The following PDE10A variants were observed in gnomAD, a reference collection of about 807,000 sequenced individuals.
PDE10A encodes cAMP and cAMP-inhibited cGMP 3',5'-cyclic phosphodiesterase 10A.
PDE10A carries 39 observed loss-of-function variants against 97.7 expected under a neutral mutation model. The observed-to-expected ratio is 0.40, with a 90% CI of 0.31 to 0.52. PDE10A has a LOEUF of 0.52. Ranked by LOEUF, PDE10A falls within the 20% of genes least tolerant of loss-of-function variation. The pLI, the probability that PDE10A is intolerant of heterozygous loss-of-function variation, is 0.56. For missense variants in PDE10A, 731 were observed against 1,047.8 expected, an observed-to-expected ratio of 0.70 and a Z score of 4.17; for synonymous variants, 371 against 376.8, an observed-to-expected ratio of 0.98 and a Z score of 0.18.
rs376826123 is a variant in PDE10A at position 165,569,598 on chromosome 6, C to T, written c.866-26030G>A. ...TCACAGCCTGTGACAGTCTTCCCTC[C>T]GTTCAAACTGCTTGTTTCATGTCTC... On this transcript the variant is annotated intron_variant, in intron 1 of 21. Transcript: ENST00000539869. 1.4e-4 allele frequency among the ~76,000 whole-genome samples: 22 copies of T among 152,262 alleles called. No individual in the cohort carries two copies. In the East Asian group the frequency reaches 3.7e-3, roughly 25 times the overall value.
intron 1 of PDE10A, among the ~76,000 whole-genome samples, chr6:165,600,735 C>T (rs9457107): frequency 0.45 from 68,310 of 152,058 alleles, 18,511 homozygotes; most frequent in Non-Finnish European, 0.6. Flanking sequence ...TGTTGTATAA[C>T]GGCCTTGAGA....
intron 1 of PDE10A, among the ~76,000 whole-genome samples, chr6:165,656,009 C>G (rs955483924): frequency 7.9e-5 from 12 of 152,212 alleles, no homozygotes; most frequent in Admixed American, 6.5e-4. Context: ...AGGAGCCACA[C>G]AGCTGCACAG....
chr6:165,545,123 A>G (rs540320081), intron 1 of PDE10A: 11 of 493,252 alleles, frequency 2.2e-5, no homozygotes, highest in African/African-American at 1.8e-4. Context: ...TCCATATTCA[A>G]TATTGATTCC....
chr6:165,808,689 A>G (rs1167935253), intron 1 of PDE10A, among the ~76,000 whole-genome samples: 1 of 152,210 alleles, frequency 6.6e-6, no homozygotes, highest in Admixed American at 6.5e-5. Context: ...TCCCTGGCAG[A>G]GCAGAGAGTG....
chr6:165,825,476 C>A (rs1042082597), intron 1 of PDE10A, among the ~76,000 whole-genome samples: 2 of 152,184 alleles, frequency 1.3e-5, no homozygotes, highest in South Asian at 2.1e-4. Flanking sequence ...AGCCCTGCTG[C>A]GGTTCCTTGA....
intron 5 of PDE10A, among the ~76,000 whole-genome samples, chr6:165,443,911 T>G (rs1790653738): frequency 1.3e-5 from 2 of 151,998 alleles, no homozygotes; most frequent in Non-Finnish European, 2.9e-5. Flanking sequence ...CCTGGAGACA[T>G]TTTCCCTATT....
chr6:165,638,914 C>A (rs976144239), intron 1 of PDE10A, among the ~76,000 whole-genome samples: 1 of 152,162 alleles, frequency 6.6e-6, no homozygotes, highest in Non-Finnish European at 1.5e-5. Flanking sequence ...CATTTACATT[C>A]TGTGTCCTCC....
chr6:165,571,108 T>C (rs962090218), intron 1 of PDE10A, among the ~76,000 whole-genome samples: 11 of 152,194 alleles, frequency 7.2e-5, no homozygotes, highest in Admixed American at 3.3e-4. Context: ...GATAAAACCA[T>C]TATCTTACTG....
intron 18 of PDE10A, among the ~76,000 whole-genome samples, chr6:165,357,879 AG>A (rs1244506495): frequency 6.6e-6 from 1 of 152,034 alleles, no homozygotes; most frequent in Non-Finnish European, 1.5e-5. Flanking sequence ...ACTTCCCACA[AG>A]TTAGGCTTTA....
intron 3 of PDE10A, among the ~76,000 whole-genome samples, chr6:165,451,956 T>G (rs539436979): frequency 5.3e-5 from 8 of 152,198 alleles, no homozygotes; most frequent in Non-Finnish European, 1.2e-4. Flanking sequence ...CTCAATGAAG[T>G]TGAAACCTCA....
At chr6:165,836,968 G>A (rs528074326) in intron 1 of PDE10A, among the ~76,000 whole-genome samples, 25 of 147,686 alleles carry the variant, frequency 1.7e-4, no homozygotes, top group African/African-American at 5.3e-4. Flanking sequence ...CAAACACCGC[G>A]TATTCTCACT....
chr6:165,587,507 C>T (rs751977666), intron 1 of PDE10A, among the ~76,000 whole-genome samples: 1 of 152,122 alleles, frequency 6.6e-6, no homozygotes, highest in Non-Finnish European at 1.5e-5. Flanking sequence ...AGGAATTACT[C>T]ATTTAATTCA....
At chr6:165,506,942 A>G (rs1033966964) in intron 2 of PDE10A, among the ~76,000 whole-genome samples, 1 of 152,110 alleles carries the variant, frequency 6.6e-6, no homozygotes, top group African/African-American at 2.4e-5. Context: ...TCTTCTAATC[A>G]GTAATCATCA....
intron 1 of PDE10A, among the ~76,000 whole-genome samples, chr6:165,849,689 G>GAGCC (rs542123694): frequency 1.4e-3 from 209 of 152,350 alleles, no homozygotes; most frequent in African/African-American, 4.9e-3. Flanking sequence ...GAGGCTGTGA[G>GAGCC]AGCCGGGGGC....
At chr6:165,516,117 C>G (rs1169094196) in intron 2 of PDE10A, among the ~76,000 whole-genome samples, 1 of 152,170 alleles carries the variant, frequency 6.6e-6, no homozygotes, top group African/African-American at 2.4e-5. Flanking sequence ...TAGTTTCCTC[C>G]TATCTAAGGC....
intron 1 of PDE10A, among the ~76,000 whole-genome samples, chr6:165,912,834 C>A (rs984891413): frequency 6.6e-6 from 1 of 152,146 alleles, no homozygotes; most frequent in African/African-American, 2.4e-5. Flanking sequence ...GTATAAGCAA[C>A]TGTTTAGTAT....
At chr6:165,399,901 T>C (rs1221512884) in intron 13 of PDE10A, among the ~76,000 whole-genome samples, 3 of 152,218 alleles carry the variant, frequency 2.0e-5, no homozygotes, top group African/African-American at 7.2e-5. Context: ...TGCATGTGTC[T>C]TTATAGCAGC....
At chr6:165,823,282 T>C (rs1022479668) in intron 1 of PDE10A, among the ~76,000 whole-genome samples, 2 of 150,980 alleles carry the variant, frequency 1.3e-5, no homozygotes, top group African/African-American at 4.8e-5. Flanking sequence ...AAAAAACTTA[T>C]TAAGTGTTTT....
intron 1 of PDE10A, among the ~76,000 whole-genome samples, chr6:165,815,680 C>G (rs1476019448): frequency 6.6e-6 from 1 of 151,996 alleles, no homozygotes; most frequent in African/African-American, 2.4e-5. Flanking sequence ...TCTGGTTTTT[C>G]CCCCCATGGC....
Sources: allele counts gnomAD v4.1 joint callset (sites outside exome capture counted in the v4.1 genomes callset), GRCh38; gene constraint gnomAD v4.1.1; transcripts MANE v1.5; gene names NCBI Gene and HGNC (gene_info 2026-07-23, HGNC 2026-07-21).